Variants in COLGALT2 observed in about 807,000 individuals in gnomAD.
The protein encoded by COLGALT2 is procollagen galactosyltransferase 2.
In COLGALT2, 49 loss-of-function variants were observed where a neutral mutation model predicts 73.4. The observed-to-expected ratio is 0.67, with a 90% CI of 0.53 to 0.85. COLGALT2 has a LOEUF of 0.85. COLGALT2 is among the 40% of genes least tolerant of loss of function. The pLI is 0.00. For synonymous variants in COLGALT2, 295 were observed against 307.6 expected (o/e 0.96, Z 0.43); for missense variants, 722 against 790.2 (o/e 0.91, Z 1.03).
intron 1 of COLGALT2, among the ~76,000 whole-genome samples, chr1:184,035,532 ACAT>A (rs1248608248): frequency 6.6e-6 from 1 of 152,210 alleles, no homozygotes; most frequent in Non-Finnish European, 1.5e-5. Context: ...TGCAAAATAA[ACAT>A]CATAGCATCC....
At chr1:184,036,619 C>G (rs1464811975) in intron 1 of COLGALT2, among the ~76,000 whole-genome samples, 5 of 152,330 alleles carry the variant, frequency 3.3e-5, no homozygotes, top group African/African-American at 1.2e-4. Flanking sequence ...CTGCGGCGCC[C>G]CAGCCACTGC....
chr1:184,001,069 G>A (rs1426958765), intron 1 of COLGALT2, among the ~76,000 whole-genome samples: 2 of 152,042 alleles, frequency 1.3e-5, no homozygotes, highest in Non-Finnish European at 2.9e-5. Context: ...TCCTGACCTC[G>A]TGATCCGTCT....
Position 183,937,046 on chromosome 1 carries a change from C to A in COLGALT2, c.*1715G>T, listed in dbSNP as rs1445165559. On this transcript the variant is annotated 3_prime_UTR_variant, in exon 12 of 12. Transcript: ENST00000361927. ...GCCATGCTGTTCAACCTTAATGTGG[C>A]AATCAGTATCACATGGGCAGTGAAC... 3.2e-6 allele frequency: 4 copies of A among 1,231,532 alleles called. No individual in the cohort carries two copies. Among genetic ancestry groups the A allele is most frequent in the Admixed American group, 4.2e-5 (1 of 23,692 alleles). 76.3% of individuals were successfully genotyped at this position (1,231,532 alleles called of 1,614,324 possible).
intron 1 of COLGALT2, among the ~76,000 whole-genome samples, chr1:184,033,166 A>G (rs1049029506): frequency 1.3e-5 from 2 of 152,210 alleles, no homozygotes; most frequent in East Asian, 1.9e-4. Context: ...GAAAAACTTA[A>G]TGTTTCATTT....
chr1:183,964,978 T>C (rs1256964872), intron 5 of COLGALT2, among the ~76,000 whole-genome samples: 2 of 152,240 alleles, frequency 1.3e-5, no homozygotes, highest in Non-Finnish European at 2.9e-5. Context: ...CTCTATTTTG[T>C]GCAGATGAAA....
chr1:183,975,244 T>C (rs766213382), intron 2 of COLGALT2, 30 bp from the exon 3 acceptor site: 3 of 1,414,928 alleles, frequency 2.1e-6, no homozygotes, highest in Non-Finnish European at 3.0e-6. Flanking sequence ...TCATCATTAT[T>C]GAGTGCCTAC....
intron 1 of COLGALT2, among the ~76,000 whole-genome samples, chr1:183,998,392 C>A (rs956535702): frequency 1.3e-5 from 2 of 152,110 alleles, no homozygotes; most frequent in African/African-American, 4.8e-5. Flanking sequence ...TTCGTTGATT[C>A]TCTACATTAT....
intron 1 of COLGALT2, among the ~76,000 whole-genome samples, chr1:183,996,821 G>T (rs1671781730): frequency 6.6e-6 from 1 of 152,234 alleles, no homozygotes; most frequent in South Asian, 2.1e-4. Context: ...TACATGGGTT[G>T]AGGAAATGAC....
intron 1 of COLGALT2, among the ~76,000 whole-genome samples, chr1:184,024,695 G>C (rs1401378486): frequency 6.9e-6 from 1 of 145,302 alleles, no homozygotes; most frequent in African/African-American, 2.5e-5. Context: ...TAAAAATTAG[G>C]CTCCGTTCTC....
chr1:183,936,420 TC>T lies in COLGALT2; in HGVS notation c.*2340del, dbSNP rs1669957394. 1.0e-6 allele frequency: 1 copy of T among 986,246 alleles called. No homozygotes were observed. The highest frequency in any genetic ancestry group is 1.8e-5 in the African/African-American group (1 of 57,116). 61.1% of individuals were successfully genotyped at this position (986,246 alleles called of 1,614,324 possible). On this transcript the variant is annotated 3_prime_UTR_variant, in exon 12 of 12. Transcript: ENST00000361927. ...AACCGGGCTAAAGGAGACAGAACTT[TC>T]TTCACAGTAGAACAGTCCTAGTCTA...
chr1:183,961,604 A>G (rs1050009626), intron 6 of COLGALT2, among the ~76,000 whole-genome samples: 5 of 152,236 alleles, frequency 3.3e-5, no homozygotes, highest in African/African-American at 1.2e-4. Context: ...ATAGATGAAG[A>G]AACTGAAGTC....
downstream of COLGALT2, among the ~76,000 whole-genome samples, chr1:183,934,196 ACTC>A (rs1202421917): frequency 6.6e-6 from 1 of 151,840 alleles, no homozygotes; most frequent in Admixed American, 6.6e-5. Context: ...GCTCACCTAA[ACTC>A]CTCTTGCTCT....
intron 6 of COLGALT2, among the ~76,000 whole-genome samples, chr1:183,957,608 C>T (rs1670586854): frequency 6.6e-6 from 1 of 152,168 alleles, no homozygotes; most frequent in Non-Finnish European, 1.5e-5. Flanking sequence ...TACATGCTCT[C>T]AGTCTTTCCT....
Position 183,951,029 on chromosome 1 carries a change from T to A in COLGALT2, c.1114A>T (p.Ile372Phe). 6.2e-7 allele frequency: 1 copy of A among 1,613,552 alleles called. No homozygotes were observed. The highest frequency in any genetic ancestry group is 1.1e-5 in the South Asian group (1 of 91,030). Residue 372 changes from isoleucine to phenylalanine, a missense_variant, in exon 8 of 12, where the codon ATT becomes TTT. Ile to Phe is a conservative substitution (Grantham distance 21, BLOSUM62 0). Transcript: ENST00000361927. ...CACTTTCCATCCACAGCCTCGACAA[T>A]CTTGACCTCAATCTCCTGTTCATAC... Reference protein sequence around the residue: ...TLYEQEIEVKIVEAVDGKALN... With the variant: ...TLYEQEIEVKFVEAVDGKALN...
chr1:184,036,258 G>C (rs1311498272), intron 1 of COLGALT2, among the ~76,000 whole-genome samples: 1 of 152,208 alleles, frequency 6.6e-6, no homozygotes, highest in Non-Finnish European at 1.5e-5. Context: ...TAAAAGGTGC[G>C]AGACGACCAA....
intron 1 of COLGALT2, among the ~76,000 whole-genome samples, chr1:183,997,923 C>T (rs992339241): frequency 1.3e-5 from 2 of 152,164 alleles, no homozygotes; most frequent in Non-Finnish European, 2.9e-5. Flanking sequence ...TGTCAGTGGA[C>T]ATTTAGCATA....
intron 1 of COLGALT2, among the ~76,000 whole-genome samples, chr1:183,982,560 C>G (rs1671382011): frequency 6.6e-6 from 1 of 152,136 alleles, no homozygotes. Context: ...CTAAGCAAAA[C>G]AAAAATTCCT....
intron 10 of COLGALT2, among the ~76,000 whole-genome samples, chr1:183,942,108 C>T (rs1670130528): frequency 6.6e-6 from 1 of 151,910 alleles, no homozygotes; most frequent in Non-Finnish European, 1.5e-5. Flanking sequence ...GCCACCATGC[C>T]CGGCTAATTT....
chr1:184,014,132 T>A (rs1030323621), intron 1 of COLGALT2, among the ~76,000 whole-genome samples: 1 of 152,156 alleles, frequency 6.6e-6, no homozygotes, highest in Non-Finnish European at 1.5e-5. Flanking sequence ...GTCATAGGCA[T>A]ACATTTGGTA....
Sources: allele counts gnomAD v4.1 joint callset (sites outside exome capture counted in the v4.1 genomes callset), GRCh38; gene constraint gnomAD v4.1.1; transcripts MANE v1.5; gene names NCBI Gene and HGNC (gene_info 2026-07-23, HGNC 2026-07-21).